C19orf47: variants seen among roughly 807,000 people sequenced by gnomAD.
C19orf47 encodes chromosome 19 open reading frame 47.
C19orf47 carries 18 observed loss-of-function variants against 32.3 expected under a neutral mutation model. That is an observed-to-expected ratio of 0.56 (90% CI 0.39 to 0.83). C19orf47 has a LOEUF of 0.83. Among genes scored for constraint, C19orf47 ranks in the 40% least tolerant of loss-of-function variants. The pLI is 0.00. For synonymous variants in C19orf47, 202 were observed against 211.1 expected, an observed-to-expected ratio of 0.96 and a Z score of 0.37; for missense variants, 484 against 531.6, an observed-to-expected ratio of 0.91 and a Z score of 0.88.
intron 1 of C19orf47, among the ~76,000 whole-genome samples, chr19:40,346,169 AAAGT>A (rs2145630787): frequency 6.7e-6 from 1 of 149,024 alleles, no homozygotes; most frequent in East Asian, 2.0e-4. Context: ...AAAAAAAAAA[AAAGT>A]AAGATTACCA....
the C19orf47 span, among the ~76,000 whole-genome samples, chr19:40,310,217 C>T: frequency 6.6e-6 from 1 of 151,926 alleles, no homozygotes; most frequent in Non-Finnish European, 1.5e-5. Context: ...TGCCTGGTGA[C>T]AGAGTGAGAC....
the C19orf47 span, among the ~76,000 whole-genome samples, chr19:40,303,532 C>T: frequency 0.11 from 16,057 of 144,080 alleles, 1,220 homozygotes; most frequent in African/African-American, 0.22. Flanking sequence ...AAAAAAAGGC[C>T]GGCACAGTGG....
chr19:40,310,009 T>C, the C19orf47 span, among the ~76,000 whole-genome samples: 2 of 152,216 alleles, frequency 1.3e-5, no homozygotes, highest in Admixed American at 6.5e-5. Flanking sequence ...ACAATTCTAC[T>C]GCTAGGGTAT....
intron 5 of C19orf47, 125 bp from the exon 6 acceptor site, chr19:40,328,675 C>T: frequency 7.8e-7 from 1 of 1,276,428 alleles, no homozygotes; most frequent in Non-Finnish European, 1.1e-6. Flanking sequence ...GCGGGTATCA[C>T]CCTGTAACTG....
chr19:40,345,466 A>C (rs2078253784), intron 1 of C19orf47, among the ~76,000 whole-genome samples: 1 of 150,678 alleles, frequency 6.6e-6, no homozygotes, highest in South Asian at 2.1e-4. Flanking sequence ...TGGGAGGCCG[A>C]AGCAGGAGGA....
intron 7 of C19orf47, among the ~76,000 whole-genome samples, chr19:40,325,731 G>A (rs1227561263): frequency 6.6e-6 from 1 of 152,220 alleles, no homozygotes; most frequent in Non-Finnish European, 1.5e-5. Context: ...CGGGGATATG[G>A]GAGTGAGGGA....
chr19:40,315,756 G>C (rs996507869), downstream of C19orf47, among the ~76,000 whole-genome samples: 3 of 151,650 alleles, frequency 2.0e-5, no homozygotes, highest in African/African-American at 7.3e-5. Context: ...CTCCAGCCTG[G>C]GCGAGAGAGT....
chr19:40,343,956 C>G (rs2078226137), intron 1 of C19orf47, among the ~76,000 whole-genome samples: 1 of 151,842 alleles, frequency 6.6e-6, no homozygotes, highest in African/African-American at 2.4e-5. Flanking sequence ...CCACCACACC[C>G]AGCTAATTTT....
the C19orf47 span, among the ~76,000 whole-genome samples, chr19:40,305,593 A>G: frequency 6.6e-6 from 1 of 152,162 alleles, no homozygotes; most frequent in Non-Finnish European, 1.5e-5. Context: ...TTGCGGGACC[A>G]TTATATTTGA....
the C19orf47 span, among the ~76,000 whole-genome samples, chr19:40,296,282 GTTTGTT>G: frequency 1.1e-4 from 17 of 151,672 alleles, no homozygotes; most frequent in East Asian, 2.4e-3. Context: ...CTGTTTGTTT[GTTTGTT>G]TTTATTTTTT....
At chr19:40,323,007 G>C (rs2077753259) in intron 8 of C19orf47, among the ~76,000 whole-genome samples, 1 of 152,244 alleles carries the variant, frequency 6.6e-6, no homozygotes, top group Non-Finnish European at 1.5e-5. Context: ...TTTGAAGCCA[G>C]GCCCTCCAAG....
the C19orf47 span, among the ~76,000 whole-genome samples, chr19:40,305,152 G>A: frequency 6.6e-6 from 1 of 152,104 alleles, no homozygotes; most frequent in Non-Finnish European, 1.5e-5. Flanking sequence ...ACACCAGCCT[G>A]GCCAACATAG....
At chr19:40,340,468 G>A (rs528723670) in intron 2 of C19orf47, among the ~76,000 whole-genome samples, 1 of 145,440 alleles carries the variant, frequency 6.9e-6, no homozygotes, top group East Asian at 2.1e-4. Flanking sequence ...GGATCACGAG[G>A]TCAAGAGATC....
Position 40,322,087 on chromosome 19 carries a change from C to A in C19orf47, c.953G>T (p.Arg318Ile). The change falls in exon 9 of 9, where the codon AGA becomes ATA. Residue 318 changes from arginine to isoleucine, a missense_variant. Coordinates refer to ENST00000683109, the MANE Select transcript of C19orf47 (RefSeq NM_001256441.2). ...ESLSKVSIIK[R>I]LGAAALVPEA... ...GGGCACAAGGGCAGCTGCGCCCAGTCTCTTGATGATGCTGACTTTAGACAA... is the reference window on the plus strand; with the variant it reads ...GGGCACAAGGGCAGCTGCGCCCAGTATCTTGATGATGCTGACTTTAGACAA... The A allele has an allele frequency of 6.2e-7, 1 of 1,614,204 alleles. No individual in the cohort carries two copies.
chr19:40,338,820 G>T (rs904688620), intron 2 of C19orf47, among the ~76,000 whole-genome samples: 1 of 152,114 alleles, frequency 6.6e-6, no homozygotes, highest in Non-Finnish European at 1.5e-5. Context: ...ACCCTGCTAA[G>T]GTATGGGGTT....
chr19:40,311,545 AAATAAT>A, the C19orf47 span, among the ~76,000 whole-genome samples: 1 of 151,836 alleles, frequency 6.6e-6, no homozygotes. Context: ...CTGTCTCAAA[AAATAAT>A]AATAATAAAT....
the C19orf47 span, among the ~76,000 whole-genome samples, chr19:40,311,315 G>C: frequency 9.9e-5 from 15 of 151,842 alleles, no homozygotes; most frequent in South Asian, 3.1e-3. Flanking sequence ...GGAGGCACAG[G>C]TTGCGGTGAG....
the C19orf47 span, among the ~76,000 whole-genome samples, chr19:40,304,771 C>A: frequency 6.6e-6 from 1 of 152,140 alleles, no homozygotes; most frequent in East Asian, 1.9e-4. Context: ...GTAGCCCAGT[C>A]AAAGAACCTA....
chr19:40,313,226 A>G, the C19orf47 span, among the ~76,000 whole-genome samples: 4 of 152,206 alleles, frequency 2.6e-5, no homozygotes, highest in African/African-American at 4.8e-5. Flanking sequence ...CTGGGTGCAC[A>G]ATGGTCTTAT....
Sources: allele counts gnomAD v4.1 joint callset (sites outside exome capture counted in the v4.1 genomes callset), GRCh38; gene constraint gnomAD v4.1.1; transcripts MANE v1.5; gene names NCBI Gene and HGNC (gene_info 2026-07-23, HGNC 2026-07-21).